SUN1: variants seen among roughly 807,000 people sequenced by gnomAD.
SUN1 encodes the protein Sad1 and UNC84 domain containing 1, also known as SUN domain-containing protein 1.
Under a neutral mutation model 103.2 loss-of-function variants are expected in SUN1, and 61 were observed. That is an observed-to-expected ratio of 0.59 (90% CI 0.48 to 0.73). The LOEUF is 0.73. Ranked by LOEUF, SUN1 falls within the 30% of genes least tolerant of loss-of-function variation. The pLI is 0.00. For missense variants in SUN1, 1,052 were observed against 1,034.6 expected, an observed-to-expected ratio of 1.02 and a Z score of -0.23; for synonymous variants, 490 against 425.7, an observed-to-expected ratio of 1.15 and a Z score of -1.86.
At chr7:853,724 A>G in intron 10 of SUN1, 106 bp downstream of exon 10, 1 of 1,279,632 alleles carries the variant, frequency 7.8e-7, no homozygotes, top group South Asian at 1.4e-5. Context: ...TGCCGTTGTG[A>G]AAAGGGGTTG....
chr7:850,997 C>G (rs1821549802), intron 5 of SUN1, among the ~76,000 whole-genome samples: 1 of 152,168 alleles, frequency 6.6e-6, no homozygotes, highest in Non-Finnish European at 1.5e-5. Context: ...CTGCAGGTGT[C>G]TATGGAATTT....
intron 1 of SUN1, among the ~76,000 whole-genome samples, chr7:821,616 T>C (rs1786106072): frequency 6.6e-6 from 1 of 152,182 alleles, no homozygotes; most frequent in Non-Finnish European, 1.5e-5. Flanking sequence ...CAAATCTGCT[T>C]ACAGTAAATG....
At chr7:871,428 A>C (rs1169199192) in intron 17 of SUN1, among the ~76,000 whole-genome samples, 1 of 151,536 alleles carries the variant, frequency 6.6e-6, no homozygotes, top group Non-Finnish European at 1.5e-5. Flanking sequence ...TCGCTCTGTC[A>C]CCAGGCTGGA....
At chr7:817,534 T>C in intron 1 of SUN1, 1 of 1,534,642 alleles carries the variant, frequency 6.5e-7, no homozygotes, top group Non-Finnish European at 8.7e-7. Context: ...TGCTCTCGCT[T>C]TGCAGCTTGT....
chr7:856,143 G>T (rs569417796), intron 11 of SUN1, among the ~76,000 whole-genome samples: 1 of 152,212 alleles, frequency 6.6e-6, no homozygotes, highest in Non-Finnish European at 1.5e-5. Context: ...CCGCCAGGCC[G>T]TTCTCATGTG....
At chr7:848,427 C>CT in intron 5 of SUN1, 1 of 1,358,420 alleles carries the variant, frequency 7.4e-7, no homozygotes, top group Non-Finnish European at 9.8e-7. Context: ...GGCGGTGCGT[C>CT]TTTCTACGTG....
At chr7:837,705 G>T (rs1804801165) in intron 1 of SUN1, among the ~76,000 whole-genome samples, 1 of 152,222 alleles carries the variant, frequency 6.6e-6, no homozygotes, top group Non-Finnish European at 1.5e-5. Flanking sequence ...CTACTGGGCT[G>T]TGTTGATTCC....
In SUN1 at chr7:873,476, C is replaced by T. The variant is rs937350924; in HGVS notation, c.*145C>T. On this transcript the variant is annotated 3_prime_UTR_variant, in exon 19 of 19. Coordinates refer to ENST00000401592, the MANE Select transcript of SUN1 (RefSeq NM_001130965.3). ...GTGGCTGCTGGCCAGAGGACGTGAGCGTGTGACGGGCGCCTTGGCGCCACC... is the reference window on the plus strand; with the variant it reads ...GTGGCTGCTGGCCAGAGGACGTGAGTGTGTGACGGGCGCCTTGGCGCCACC... 14 of 828,066 alleles carry T rather than the reference C, an allele frequency of 1.7e-5. No individual in the cohort carries two copies. The highest frequency in any genetic ancestry group is 5.2e-5 in the African/African-American group (3 of 58,106). The allele number at this position is 828,066 out of a possible 1,614,324, so 51.3% of individuals were successfully genotyped here.
rs769856571 is a variant in SUN1 at position 869,346 on chromosome 7, C to G, written c.1981-3C>G. 6.2e-7 allele frequency: 1 copy of G among 1,612,120 alleles called. No individual in the cohort carries two copies. Among genetic ancestry groups the G allele is most frequent in the Non-Finnish European group, 8.5e-7 (1 of 1,179,036 alleles). On this transcript the variant is annotated splice_region_variant and splice_polypyrimidine_tract_variant and intron_variant, in intron 16 of 18. Transcript: ENST00000401592. ...TGAGTCCTCATGTTTTTCCTTTCCC[C>G]AGCCTGACATTTACCCCGGTAACTG...
chr7:821,285 T>C (rs1452166263), intron 1 of SUN1, among the ~76,000 whole-genome samples: 2 of 149,518 alleles, frequency 1.3e-5, no homozygotes, highest in Non-Finnish European at 3.0e-5. Flanking sequence ...TTCTCCGGCC[T>C]TAGCCTCCTG....
chr7:843,182 G>C lies in SUN1; in HGVS notation c.452-24G>C. On this transcript the variant is annotated intron_variant, in intron 3 of 18. Coordinates refer to ENST00000401592, the MANE Select transcript of SUN1 (RefSeq NM_001130965.3). ...GCTGAGCTCAACAGCAAAAATGTGTGTGTGTGTGTGTTTTTTTTTTTAGGT... is the reference window on the plus strand; with the variant it reads ...GCTGAGCTCAACAGCAAAAATGTGTCTGTGTGTGTGTTTTTTTTTTTAGGT... 4 of 1,588,320 alleles carry C rather than the reference G, an allele frequency of 2.5e-6. No homozygotes were observed. In the South Asian group the frequency reaches 4.5e-5, roughly 18 times the overall value.
At position 861,370 on chromosome 7, in the gene SUN1, G is replaced by A. The variant is rs753386186; in HGVS notation, c.1780-10G>A. 1 of 1,614,154 alleles carries A rather than the reference G, an allele frequency of 6.2e-7. No homozygotes were observed. The highest frequency in any genetic ancestry group is 1.1e-5 in the South Asian group (1 of 91,082). On this transcript the variant is annotated splice_polypyrimidine_tract_variant and intron_variant, in intron 14 of 18. Transcript: ENST00000401592. ...TGGTGTTTGGTCTTCCGTCCCTCGT[G>A]TCTGTCCAGCAAGCACGTGCCATCG...
upstream of SUN1, among the ~76,000 whole-genome samples, chr7:830,058 T>C (rs1796513779): frequency 6.6e-6 from 1 of 152,212 alleles, no homozygotes; most frequent in Admixed American, 6.5e-5. Context: ...TTTAAAATCT[T>C]CCATTTCCAA....
In SUN1 at chr7:854,901, A is replaced by G. The variant is rs781016799; in HGVS notation, c.1264-19A>G. Reference sequence around the variant, plus strand: ...GCTTAACTTTCTCCATCATTTGTTCACTCCTTCTCTTTCCTAAGACTGACT... The same window carrying G: ...GCTTAACTTTCTCCATCATTTGTTCGCTCCTTCTCTTTCCTAAGACTGACT... On this transcript the variant is annotated intron_variant, in intron 10 of 18. Coordinates refer to ENST00000401592, the MANE Select transcript of SUN1 (RefSeq NM_001130965.3). The G allele has an allele frequency of 1.9e-6, 3 of 1,587,114 alleles. No individual in the cohort carries two copies. The highest frequency in any genetic ancestry group is 4.5e-5 in the East Asian group (2 of 44,666).
intron 5 of SUN1, chr7:848,655 A>G (rs1818879666): frequency 1.6e-6 from 2 of 1,274,464 alleles, no homozygotes; most frequent in African/African-American, 1.6e-5. Context: ...CACCAATCAC[A>G]CTTTCGCAGT....
chr7:861,650 G>A (rs1832324599), intron 15 of SUN1, among the ~76,000 whole-genome samples, 186 bp downstream of exon 15: 1 of 152,196 alleles, frequency 6.6e-6, no homozygotes, highest in Non-Finnish European at 1.5e-5. Context: ...TGTGTTTGGG[G>A]GGCACAAGTT....
chr7:851,095 C>T (rs1052344247), intron 5 of SUN1: 5 of 234,666 alleles, frequency 2.1e-5, no homozygotes, highest in South Asian at 8.9e-5. Context: ...TTCCAACCTC[C>T]GCCCCCTGGG....
At chr7:860,775 C>T (rs989330353) in intron 14 of SUN1, among the ~76,000 whole-genome samples, 1 of 152,188 alleles carries the variant, frequency 6.6e-6, no homozygotes, top group Admixed American at 6.5e-5. Flanking sequence ...CACATGGCTG[C>T]AGAAGCCTCA....
At chr7:834,382 GACCAGA>G in intron 1 of SUN1, among the ~76,000 whole-genome samples, 1 of 152,208 alleles carries the variant, frequency 6.6e-6, no homozygotes, top group Non-Finnish European at 1.5e-5. Flanking sequence ...TCTGGATCAG[GACCAGA>G]GGGAAGGACC....
Sources: gnomAD v4.1 joint callset for allele counts (sites outside exome capture counted in the v4.1 genomes callset) on GRCh38, gnomAD v4.1.1 for gene constraint, MANE v1.5 for transcripts, NCBI Gene and HGNC (gene_info 2026-07-23, HGNC 2026-07-21) for gene names.